Variants in DLGAP2 observed in about 807,000 individuals in gnomAD.
DLGAP2 encodes disks large-associated protein 2.
In DLGAP2, 26 loss-of-function variants were observed where a neutral mutation model predicts 100.3. The ratio of observed to expected loss-of-function variants is 0.26; its 90% CI spans 0.19 to 0.36. The LOEUF (loss-of-function observed/expected upper bound fraction) is 0.36. Among genes scored for constraint, DLGAP2 ranks in the 10% least tolerant of loss-of-function variants. DLGAP2 has a pLI of 1.00. For missense variants in DLGAP2, 1,858 were observed against 1,453.2 expected (o/e 1.28, Z -4.53); for synonymous variants, 886 against 630.1 (o/e 1.41, Z -6.08).
At chr8:842,114 C>T (rs1796994214) in intron 1 of DLGAP2, among the ~76,000 whole-genome samples, 1 of 152,130 alleles carries the variant, frequency 6.6e-6, no homozygotes, top group South Asian at 2.1e-4. Flanking sequence ...GCATTCTTTC[C>T]CTTCTGGTAA....
intron 2 of DLGAP2, among the ~76,000 whole-genome samples, chr8:1,201,626 G>A (rs949836243): frequency 2.0e-5 from 3 of 152,216 alleles, no homozygotes; most frequent in African/African-American, 7.2e-5. Context: ...CTCACACAGG[G>A]ATTTACACAC....
chr8:1,088,093 AG>A (rs557717052), intron 2 of DLGAP2, among the ~76,000 whole-genome samples: 5 of 152,316 alleles, frequency 3.3e-5, no homozygotes, highest in African/African-American at 1.2e-4. Flanking sequence ...TTGGCCCCAC[AG>A]GGGATGTCTG....
intron 2 of DLGAP2, among the ~76,000 whole-genome samples, chr8:1,189,789 C>T (rs558874331): frequency 2.0e-5 from 3 of 152,284 alleles, no homozygotes; most frequent in African/African-American, 7.2e-5. Context: ...GGGCCACTTC[C>T]ATAAGCGGGA....
At chr8:1,202,947 C>G (rs1412956229) in intron 2 of DLGAP2, among the ~76,000 whole-genome samples, 1 of 152,218 alleles carries the variant, frequency 6.6e-6, no homozygotes. Flanking sequence ...CATGCGCTCC[C>G]GAGAAGCTGA....
At chr8:1,100,242 C>G (rs1804531720) in intron 2 of DLGAP2, among the ~76,000 whole-genome samples, 1 of 150,144 alleles carries the variant, frequency 6.7e-6, no homozygotes, top group South Asian at 2.2e-4. Context: ...CCAGCATGTC[C>G]ACAGTGGACA....
chr8:1,604,768 T>C (rs189184029), intron 6 of DLGAP2: 1 of 151,970 alleles, frequency 6.6e-6, no homozygotes, highest in African/African-American at 2.4e-5. Flanking sequence ...GTGACAACAG[T>C]CAAAAATATT....
intron 1 of DLGAP2, among the ~76,000 whole-genome samples, chr8:864,346 C>T (rs961216609): frequency 2.0e-5 from 3 of 152,142 alleles, no homozygotes; most frequent in South Asian, 2.1e-4. Context: ...ATGTTCTCAA[C>T]GTAAAGAAAC....
rs185180687 is a variant in DLGAP2 at position 1,452,147 on chromosome 8, C to G, written c.107-49219C>G. ...TGTCTTCCAGCTGTCTGTCAAGACA[C>G]TGCCTCAGTTTGAGGCATAGCCCCG... On this transcript the variant is annotated intron_variant, in intron 3 of 14. Coordinates refer to ENST00000637795, the MANE Select transcript of DLGAP2 (RefSeq NM_001346810.2). Among the ~76,000 whole-genome samples, 163 of 152,370 alleles carry G rather than the reference C, an allele frequency of 1.1e-3. 1 individual carries two copies. Among genetic ancestry groups the G allele is most frequent in the African/African-American group, 3.7e-3 (152 of 41,590 alleles).
intron 2 of DLGAP2, among the ~76,000 whole-genome samples, chr8:1,192,368 C>T (rs752710389): frequency 6.6e-6 from 1 of 152,164 alleles, no homozygotes; most frequent in Non-Finnish European, 1.5e-5. Context: ...CGGAATAGCT[C>T]GATCAAGCTG....
At chr8:1,562,623 TG>T (rs1468307148) in intron 5 of DLGAP2, among the ~76,000 whole-genome samples, 1 of 49,064 alleles carries the variant, frequency 2.0e-5, no homozygotes, top group Non-Finnish European at 3.7e-5. Flanking sequence ...GGGGACTGTG[TG>T]GTGTTGGGGT....
At chr8:1,305,853 C>G (rs942949339) in intron 3 of DLGAP2, among the ~76,000 whole-genome samples, 4 of 152,194 alleles carry the variant, frequency 2.6e-5, no homozygotes, top group Admixed American at 6.5e-5. Flanking sequence ...AGGTCAGGAA[C>G]AAGGCAAGTG....
chr8:980,942 C>G (rs1800314305), intron 2 of DLGAP2, among the ~76,000 whole-genome samples: 1 of 152,064 alleles, frequency 6.6e-6, no homozygotes, highest in Admixed American at 6.6e-5. Flanking sequence ...ATAAAATTTA[C>G]CATTTTAATC....
At chr8:1,129,327 C>T (rs545359357) in intron 2 of DLGAP2, among the ~76,000 whole-genome samples, 26 of 150,930 alleles carry the variant, frequency 1.7e-4, no homozygotes, top group Non-Finnish European at 3.2e-4. Flanking sequence ...TGTTTGGACC[C>T]GGGAGGCAGA....
intron 2 of DLGAP2, among the ~76,000 whole-genome samples, chr8:922,327 A>G (rs1410554677): frequency 6.6e-6 from 1 of 152,056 alleles, no homozygotes; most frequent in African/African-American, 2.4e-5. Flanking sequence ...GGGACAGCGG[A>G]CCCCTCCGGA....
chr8:1,676,085 T>G (rs1232236688), intron 10 of DLGAP2, among the ~76,000 whole-genome samples: 1 of 152,224 alleles, frequency 6.6e-6, no homozygotes, highest in African/African-American at 2.4e-5. Context: ...GTGCTGAAAT[T>G]CCTTTCTGTG....
chr8:1,478,566 C>G (rs1799001935), intron 3 of DLGAP2, among the ~76,000 whole-genome samples: 1 of 152,138 alleles, frequency 6.6e-6, no homozygotes, highest in African/African-American at 2.4e-5. Flanking sequence ...ATGGTCAAAC[C>G]AACAGAATAG....
chr8:1,555,658 C>T (rs545092802), intron 5 of DLGAP2, among the ~76,000 whole-genome samples: 1 of 152,330 alleles, frequency 6.6e-6, no homozygotes, highest in African/African-American at 2.4e-5. Flanking sequence ...CCTCCATCAC[C>T]CCCCAGTTGT....
intron 2 of DLGAP2, among the ~76,000 whole-genome samples, chr8:1,217,244 G>C (rs1209089908): frequency 6.6e-6 from 1 of 152,132 alleles, no homozygotes; most frequent in Non-Finnish European, 1.5e-5. Context: ...GTTTGCTTAG[G>C]ATAATGGCCT....
intron 6 of DLGAP2, among the ~76,000 whole-genome samples, chr8:1,575,490 T>TATTA (rs1563231253): frequency 1.4e-5 from 2 of 144,284 alleles, no homozygotes; most frequent in African/African-American, 2.5e-5. Flanking sequence ...TTATTATTAT[T>TATTA]TAAGTTCTAG....
Sources: gnomAD v4.1 joint callset for allele counts (sites outside exome capture counted in the v4.1 genomes callset) on GRCh38, gnomAD v4.1.1 for gene constraint, MANE v1.5 for transcripts, NCBI Gene and HGNC (gene_info 2026-07-23, HGNC 2026-07-21) for gene names.